NCOA7: variants seen among roughly 807,000 people sequenced by gnomAD.
The protein encoded by NCOA7 is 140 kDa estrogen receptor-associated protein.
NCOA7 carries 45 observed loss-of-function variants against 104.3 expected under a neutral mutation model. The observed-to-expected ratio is 0.43, with a 90% CI of 0.34 to 0.55. The LOEUF is 0.55. NCOA7 is among the 20% of genes least tolerant of loss of function. The probability of loss-of-function intolerance (pLI) is 0.02; values close to 1 mark genes in which losing one functional copy is unlikely to be tolerated. For synonymous variants in NCOA7, 398 were observed against 402.3 expected, an observed-to-expected ratio of 0.99 and a Z score of 0.13; for missense variants, 1,041 against 1,119.7, an observed-to-expected ratio of 0.93 and a Z score of 1.00.
intron 2 of NCOA7, among the ~76,000 whole-genome samples, chr6:125,846,362 T>A (rs9482708): frequency 9.6e-4 from 9 of 9,402 alleles, no homozygotes; most frequent in Middle Eastern, 0.045. Context: ...GAAAAAAAAA[T>A]TTTTTTTTTT....
chr6:125,825,621 CA>C (rs2128585498), intron 2 of NCOA7, among the ~76,000 whole-genome samples: 1 of 152,278 alleles, frequency 6.6e-6, no homozygotes, highest in South Asian at 2.1e-4. Context: ...TTTGTTAGCA[CA>C]GCAGAAAGCT....
intron 12 of NCOA7, among the ~76,000 whole-genome samples, chr6:125,922,217 G>A (rs147867708): frequency 6.6e-4 from 100 of 152,304 alleles, no homozygotes; most frequent in African/African-American, 2.3e-3. Flanking sequence ...AAGAACAGAT[G>A]ACACCTGACT....
chr6:125,878,111 A>G (rs1783525862), intron 4 of NCOA7, 152 bp from the exon 5 acceptor site: 4 of 432,502 alleles, frequency 9.2e-6, no homozygotes, highest in Non-Finnish European at 1.6e-5. Flanking sequence ...TGATTTTATT[A>G]AGAATTGACA....
intron 10 of NCOA7, among the ~76,000 whole-genome samples, chr6:125,903,955 C>T (rs1418257139): frequency 3.3e-5 from 5 of 152,172 alleles, no homozygotes; most frequent in Admixed American, 6.5e-5. Context: ...AACTGCCCAC[C>T]TCAGCCTCCC....
intron 1 of NCOA7, chr6:125,810,331 A>T (rs1776865229): frequency 6.6e-6 from 1 of 152,226 alleles, no homozygotes; most frequent in African/African-American, 2.4e-5. Flanking sequence ...CTTTGTCTTC[A>T]TCACAGCTCT....
At chr6:125,854,501 A>G (rs758526496) in intron 2 of NCOA7, among the ~76,000 whole-genome samples, 8 of 152,198 alleles carry the variant, frequency 5.3e-5, no homozygotes, top group Non-Finnish European at 1.2e-4. Context: ...TACTATTGCC[A>G]TATGTTTAAA....
Position 125,864,494 on chromosome 6 carries a change from A to G in NCOA7, c.271+9254A>G. On this transcript the variant is annotated intron_variant, in intron 3 of 15. Coordinates refer to ENST00000392477, the MANE Select transcript of NCOA7 (RefSeq NM_181782.5). ...TTTTAAAATCACTACTATGATCTGA[A>G]TATTTGTGTCCCCCCACCCACCCCC... Among the ~76,000 whole-genome samples the G allele has an allele frequency of 1.5e-5, 2 of 135,514 alleles. 1 individual carries two copies. Among genetic ancestry groups the G allele is most frequent in the Non-Finnish European group, 3.1e-5 (2 of 64,284 alleles). The allele number at this position is 135,514 out of a possible 152,430, so 88.9% of individuals were successfully genotyped here.
intron 3 of NCOA7, among the ~76,000 whole-genome samples, chr6:125,861,004 C>T (rs368631011): frequency 1.3e-5 from 2 of 152,138 alleles, no homozygotes; most frequent in Non-Finnish European, 2.9e-5. Context: ...GAGAGCATAG[C>T]TCATTTTGTG....
At position 125,855,133 on chromosome 6, in the gene NCOA7, G is replaced by T; in HGVS notation, c.164G>T (p.Cys55Phe). The T allele has an allele frequency of 6.2e-7, 1 of 1,613,314 alleles. No individual in the cohort carries two copies. The highest frequency in any genetic ancestry group is 8.5e-7 in the Non-Finnish European group (1 of 1,179,864). ...ACAGTAGTTTTAGAGCCAGACAAGT[G>T]CAACATTGCTGTGGAAGAGGAATAT... ...NNTVVLEPDK[C>F]NIAVEEEYMT... Residue 55 changes from cysteine (C) to phenylalanine (F), a missense_variant, in exon 3 of 16, where the codon TGC becomes TTC. This residue lies in a region of NCOA7 where 914 missense variants were observed against 942.7 expected (regional missense o/e 0.97). Transcript: ENST00000392477.
intron 11 of NCOA7, among the ~76,000 whole-genome samples, chr6:125,918,762 C>G (rs1322562522): frequency 6.6e-6 from 1 of 152,138 alleles, no homozygotes; most frequent in African/African-American, 2.4e-5. Flanking sequence ...TTTTCCCATT[C>G]TTTTAAGTCC....
At chr6:125,841,433 A>C (rs1159366939) in intron 2 of NCOA7, among the ~76,000 whole-genome samples, 1 of 152,138 alleles carries the variant, frequency 6.6e-6, no homozygotes, top group Non-Finnish European at 1.5e-5. Flanking sequence ...GTCGTTTAGC[A>C]AGGCATGATT....
At chr6:125,808,197 A>G (rs2128561115) in intron 1 of NCOA7, among the ~76,000 whole-genome samples, 1 of 151,694 alleles carries the variant, frequency 6.6e-6, no homozygotes, top group South Asian at 2.1e-4. Context: ...GCACATCCTC[A>G]TTCTGCCTGA....
chr6:125,803,882 A>G (rs898772499), intron 1 of NCOA7, among the ~76,000 whole-genome samples: 2 of 152,192 alleles, frequency 1.3e-5, no homozygotes, highest in Non-Finnish European at 2.9e-5. Context: ...ATTCAGATCC[A>G]CAAAGTAGCC....
intron 7 of NCOA7, among the ~76,000 whole-genome samples, chr6:125,882,970 A>C (rs1326505580): frequency 6.6e-6 from 1 of 152,244 alleles, no homozygotes; most frequent in Non-Finnish European, 1.5e-5. Flanking sequence ...AACAATAAAA[A>C]AATTTAACTA....
Position 125,930,748 on chromosome 6 carries a change from TCTC to T in NCOA7, c.*1980_*1982del, listed in dbSNP as rs1256588952. 6.6e-6 allele frequency: 1 copy of T among 152,228 alleles called. No individual in the cohort carries two copies. The highest frequency in any genetic ancestry group is 1.5e-5 in the Non-Finnish European group (1 of 68,032). The allele number at this position is 152,228 out of a possible 1,614,324, so 9.4% of individuals were successfully genotyped here. On this transcript the variant is annotated 3_prime_UTR_variant, in exon 16 of 16. Transcript: ENST00000392477. ...GCCTGGGTGTACGTTTCACTCAAGT[TCTC>T]CTACTGAGGACTCTTGACTAACAGC... is the stretch of plus-strand genomic sequence containing the variant.
intron 14 of NCOA7, 57 bp from the exon 15 acceptor site, chr6:125,928,117 C>A: frequency 6.9e-7 from 1 of 1,442,364 alleles, no homozygotes. Flanking sequence ...CATATTTCCT[C>A]ATTGCTAATT....
intron 2 of NCOA7, among the ~76,000 whole-genome samples, chr6:125,827,635 G>A (rs939316671): frequency 1.3e-5 from 2 of 152,170 alleles, no homozygotes; most frequent in African/African-American, 4.8e-5. Flanking sequence ...TTGGGTACAA[G>A]CAGGAGTTCA....
intron 3 of NCOA7, among the ~76,000 whole-genome samples, chr6:125,861,193 T>C (rs1487157797): frequency 6.6e-6 from 1 of 152,230 alleles, no homozygotes; most frequent in African/African-American, 2.4e-5. Flanking sequence ...TGCTGTCTGT[T>C]TTGGTTTTTT....
chr6:125,913,695 T>A (rs550570489), intron 10 of NCOA7: 8 of 974,822 alleles, frequency 8.2e-6, no homozygotes, highest in East Asian at 1.1e-4. Flanking sequence ...AGAAAATTGG[T>A]AAGTCTGTAC....
Sources: gnomAD v4.1 joint callset for allele counts (sites outside exome capture counted in the v4.1 genomes callset) on GRCh38, gnomAD v4.1.1 for gene constraint, gnomAD v4.1.1 regional missense constraint, MANE v1.5 for transcripts, NCBI Gene and HGNC (gene_info 2026-07-23, HGNC 2026-07-21) for gene names.